The following CYRIB variants were observed in gnomAD, a reference collection of about 807,000 sequenced individuals.
The protein encoded by CYRIB is CYFIP related Rac1 interactor B.
CYRIB carries 8 observed loss-of-function variants against 44.2 expected under a neutral mutation model. That is an observed-to-expected ratio of 0.18 (90% CI 0.11 to 0.33). The LOEUF is 0.33. Ranked by LOEUF, CYRIB falls within the 10% of genes least tolerant of loss-of-function variation. The pLI, the probability that CYRIB is intolerant of heterozygous loss-of-function variation, is 1.00. For missense variants in CYRIB, 185 were observed against 382.8 expected (o/e 0.48, Z 4.31); for synonymous variants, 131 against 127.2 (o/e 1.03, Z -0.20).
chr8:129,895,880 A>C (rs943939214), intron 2 of CYRIB, among the ~76,000 whole-genome samples: 3 of 152,254 alleles, frequency 2.0e-5, no homozygotes, highest in African/African-American at 2.4e-5. Flanking sequence ...GGTTTATTTG[A>C]TCATTTAAAA....
chr8:129,863,142 G>A (rs962350528), intron 4 of CYRIB, among the ~76,000 whole-genome samples: 1 of 152,138 alleles, frequency 6.6e-6, no homozygotes, highest in African/African-American at 2.4e-5. Flanking sequence ...AACAGGCTAA[G>A]AAATTTCCAA....
chr8:129,906,997 T>G (rs2075749698), intron 1 of CYRIB, among the ~76,000 whole-genome samples: 1 of 152,224 alleles, frequency 6.6e-6, no homozygotes, highest in Non-Finnish European at 1.5e-5. Flanking sequence ...TTTACACTGT[T>G]GGTGGGACTG....
chr8:129,998,991 C>T (rs961816831), intron 1 of CYRIB, among the ~76,000 whole-genome samples: 2 of 152,168 alleles, frequency 1.3e-5, no homozygotes, highest in East Asian at 1.9e-4. Context: ...TTTAATTCAG[C>T]GCCGACAATC....
At chr8:129,919,899 C>A (rs542427088) in intron 1 of CYRIB, among the ~76,000 whole-genome samples, 2 of 151,924 alleles carry the variant, frequency 1.3e-5, no homozygotes, top group African/African-American at 4.8e-5. Context: ...AGAAGAACAC[C>A]GGGTAAGATT....
In CYRIB at chr8:129,899,326, G is replaced by C. The variant is rs557969874; in HGVS notation, c.-11+3986C>G. Reference sequence around the variant, plus strand: ...TATCTTTGTAAATAATTTTGCAAAAGCTGGTTTGTTTTATTTTAAAGGCTG... The same window carrying C: ...TATCTTTGTAAATAATTTTGCAAAACCTGGTTTGTTTTATTTTAAAGGCTG... On this transcript the variant is annotated intron_variant, in intron 2 of 11. Transcript: ENST00000519824. Among the ~76,000 whole-genome samples the C allele has an allele frequency of 6.1e-4, 93 of 152,218 alleles. 2 individuals carry two copies. The highest frequency in any genetic ancestry group is 2.1e-3 in the African/African-American group (88 of 41,518).
chr8:129,879,934 T>A (rs961008583), intron 2 of CYRIB: 2 of 153,030 alleles, frequency 1.3e-5, no homozygotes, highest in African/African-American at 4.8e-5. Context: ...TATAAAACTT[T>A]CTTCCTGCAT....
chr8:129,873,096 T>A (rs1205086773), intron 3 of CYRIB, among the ~76,000 whole-genome samples: 1 of 152,004 alleles, frequency 6.6e-6, no homozygotes, highest in Non-Finnish European at 1.5e-5. Flanking sequence ...TGTAAAACAG[T>A]ACTACAGCAA....
chr8:129,944,347 A>G (rs752882220), upstream of CYRIB, among the ~76,000 whole-genome samples: 16 of 152,192 alleles, frequency 1.1e-4, no homozygotes, highest in Non-Finnish European at 1.8e-4. Context: ...TGCAAGTTCA[A>G]TCTGGGGGAA....
At chr8:129,905,363 G>A (rs1015957594) in intron 1 of CYRIB, among the ~76,000 whole-genome samples, 2 of 152,102 alleles carry the variant, frequency 1.3e-5, no homozygotes, top group South Asian at 2.1e-4. Flanking sequence ...GACTACAGGC[G>A]CCTGCCACCA....
At chr8:129,957,627 TCCA>T (rs2094929558) in intron 2 of CYRIB, among the ~76,000 whole-genome samples, 1 of 152,012 alleles carries the variant, frequency 6.6e-6, no homozygotes, top group South Asian at 2.1e-4. Context: ...AGTCAGGTGT[TCCA>T]GACCAGCCTG....
intron 2 of CYRIB, among the ~76,000 whole-genome samples, chr8:129,889,486 G>C (rs1044399863): frequency 6.6e-6 from 1 of 152,188 alleles, no homozygotes; most frequent in African/African-American, 2.4e-5. Context: ...ATCTGAGAAA[G>C]TAAATTGAAA....
At chr8:130,003,941 G>T (rs540072163) in intron 1 of CYRIB, among the ~76,000 whole-genome samples, 1 of 152,216 alleles carries the variant, frequency 6.6e-6, no homozygotes, top group African/African-American at 2.4e-5. Context: ...GATTTGAGAC[G>T]TGCAGGAACA....
chr8:129,967,401 A>T (rs1281927870), intron 2 of CYRIB, among the ~76,000 whole-genome samples: 1 of 144,584 alleles, frequency 6.9e-6, no homozygotes, highest in African/African-American at 2.6e-5. Flanking sequence ...TTTTTTTGAG[A>T]TGGAGTCTTG....
intron 1 of CYRIB, among the ~76,000 whole-genome samples, chr8:129,927,884 G>A (rs2088848399): frequency 6.6e-6 from 1 of 152,166 alleles, no homozygotes; most frequent in African/African-American, 2.4e-5. Flanking sequence ...AGACATCAAG[G>A]CAATTCAGTA....
chr8:129,859,979 T>C (rs907396754), intron 5 of CYRIB, among the ~76,000 whole-genome samples: 8 of 152,198 alleles, frequency 5.3e-5, no homozygotes, highest in Non-Finnish European at 1.2e-4. Flanking sequence ...CAGGTAATCC[T>C]TGCCCTGTCC....
At chr8:129,998,078 T>C (rs1592128009) in intron 1 of CYRIB, among the ~76,000 whole-genome samples, 1 of 133,756 alleles carries the variant, frequency 7.5e-6, no homozygotes, top group East Asian at 2.2e-4. Flanking sequence ...CTGAGATCGC[T>C]CCACTGCACT....
In CYRIB at chr8:129,860,594, C is replaced by T. The variant is rs148283002; in HGVS notation, c.301+1635G>A. 6.5e-3 allele frequency among the ~76,000 whole-genome samples: 982 copies of T among 152,174 alleles called. 10 individuals are homozygous for T. The highest frequency in any genetic ancestry group is 0.022 in the African/African-American group (914 of 41,510). On this transcript the variant is annotated intron_variant, in intron 5 of 11. Transcript: ENST00000519824. Reference sequence around the variant, plus strand: ...CTGTCTTAACATTACATTTAACAGGCTGTACTGCATCTAAAGGAAAAACAG... The same window carrying T: ...CTGTCTTAACATTACATTTAACAGGTTGTACTGCATCTAAAGGAAAAACAG...
At chr8:129,858,266 T>C (rs1311515628) in intron 5 of CYRIB, among the ~76,000 whole-genome samples, 1 of 152,070 alleles carries the variant, frequency 6.6e-6, no homozygotes, top group Non-Finnish European at 1.5e-5. Context: ...CAGATGAAGC[T>C]CCTAAAACAA....
chr8:129,980,425 C>T (rs1018106031), intron 1 of CYRIB, among the ~76,000 whole-genome samples: 4 of 152,110 alleles, frequency 2.6e-5, no homozygotes, highest in African/African-American at 9.7e-5. Context: ...CTGTTTAAAC[C>T]AATAACATTA....
Sources: allele counts gnomAD v4.1 joint callset (sites outside exome capture counted in the v4.1 genomes callset), GRCh38; gene constraint gnomAD v4.1.1; transcripts MANE v1.5; gene names NCBI Gene and HGNC (gene_info 2026-07-23, HGNC 2026-07-21).